The following SLC26A7 variants were observed in gnomAD, a reference collection of about 807,000 sequenced individuals.
SLC26A7 encodes anion exchange transporter.
Under a neutral mutation model 82.5 loss-of-function variants are expected in SLC26A7, and 59 were observed. The observed-to-expected ratio is 0.72, with a 90% CI of 0.58 to 0.89. The LOEUF (loss-of-function observed/expected upper bound fraction) is 0.89. Among genes scored for constraint, SLC26A7 ranks in the 40% least tolerant of loss-of-function variants. The pLI is 0.00. For synonymous variants in SLC26A7, 271 were observed against 274.3 expected, an observed-to-expected ratio of 0.99 and a Z score of 0.12; for missense variants, 820 against 793.0, an observed-to-expected ratio of 1.03 and a Z score of -0.41.
chr8:91,393,027 A>G (rs1342915542), intron 16 of SLC26A7, among the ~76,000 whole-genome samples: 2 of 152,142 alleles, frequency 1.3e-5, no homozygotes, highest in Non-Finnish European at 2.9e-5. Flanking sequence ...TATGAATGAA[A>G]TTTTGAATGT....
In SLC26A7 at chr8:91,233,241, A is replaced by G. The variant is rs1003648758; in HGVS notation, c.-34+14236A>G. Reference sequence around the variant, plus strand: ...GAGAAGAGGAAACATCAGGAGAAAAAGCAGAGAAGTAGACAGCTTTTCCCT... The same window carrying G: ...GAGAAGAGGAAACATCAGGAGAAAAGGCAGAGAAGTAGACAGCTTTTCCCT... On this transcript the variant is annotated intron_variant, in intron 2 of 5. Transcript: ENST00000522862. Among the ~76,000 whole-genome samples, 11 of 152,322 alleles carry G rather than the reference A, an allele frequency of 7.2e-5. 1 individual carries two copies. The highest frequency in any genetic ancestry group is 3.3e-4 in the Admixed American group (5 of 15,308).
At chr8:91,319,730 T>A (rs974905017) in intron 5 of SLC26A7, among the ~76,000 whole-genome samples, 1 of 152,242 alleles carries the variant, frequency 6.6e-6, no homozygotes, top group African/African-American at 2.4e-5. Flanking sequence ...AGTTTCTGTC[T>A]TGACCTCTCA....
At chr8:91,299,514 T>A (rs1812105564) in intron 4 of SLC26A7, among the ~76,000 whole-genome samples, 1 of 152,132 alleles carries the variant, frequency 6.6e-6, no homozygotes, top group African/African-American at 2.4e-5. Flanking sequence ...TTTTTCTAAG[T>A]TGCTGCCTAC....
At chr8:91,289,506 G>A (rs796375390) in intron 3 of SLC26A7, among the ~76,000 whole-genome samples, 6 of 152,288 alleles carry the variant, frequency 3.9e-5, no homozygotes, top group African/African-American at 1.2e-4. Context: ...GAGATGGGGC[G>A]TGGTAGTACA....
At chr8:91,390,249 T>C (rs1814923615) in intron 16 of SLC26A7, among the ~76,000 whole-genome samples, 1 of 152,046 alleles carries the variant, frequency 6.6e-6, no homozygotes, top group Non-Finnish European at 1.5e-5. Context: ...CCCGAGTAGC[T>C]GGGACTACAG....
chr8:91,257,625 TAAAAA>T (rs112419634), intron 2 of SLC26A7, among the ~76,000 whole-genome samples: 1 of 148,836 alleles, frequency 6.7e-6, no homozygotes, highest in African/African-American at 2.5e-5. Flanking sequence ...AATAAAAAAA[TAAAAA>T]AAAAACACAT....
chr8:91,366,979 A>G (rs1814212556), intron 14 of SLC26A7, among the ~76,000 whole-genome samples: 1 of 152,138 alleles, frequency 6.6e-6, no homozygotes, highest in African/African-American at 2.4e-5. Flanking sequence ...CAAATGATCC[A>G]ATTTAATGGA....
chr8:91,370,174 CCTT>C (rs1814315085), intron 15 of SLC26A7, among the ~76,000 whole-genome samples: 1 of 120,482 alleles, frequency 8.3e-6, no homozygotes, highest in East Asian at 1.9e-4. Context: ...CTTCTTCTTT[CCTT>C]CTTTTTTTTT....
chr8:91,347,163 A>G (rs1419058260), intron 9 of SLC26A7, among the ~76,000 whole-genome samples: 1 of 152,204 alleles, frequency 6.6e-6, no homozygotes, highest in Non-Finnish European at 1.5e-5. Flanking sequence ...AGAGCTTCCA[A>G]TAACTATAAA....
chr8:91,393,998 G>A lies in SLC26A7; in HGVS notation c.1894G>A (p.Glu632Lys). The A allele has an allele frequency of 6.2e-7, 1 of 1,613,236 alleles. No homozygotes were observed. The highest frequency in any genetic ancestry group is 8.5e-7 in the Non-Finnish European group (1 of 1,179,490). The change falls in exon 18 of 19, where the codon GAA becomes AAA. Residue 632 changes from glutamate (E) to lysine (K), a missense_variant. Glu to Lys is a moderately conservative substitution (Grantham distance 56, BLOSUM62 1). Coordinates refer to ENST00000276609, the MANE Select transcript of SLC26A7 (RefSeq NM_052832.4). ...NLDSEKPIFF[E>K]SVSAAISHIH... ...AGACTCAGAGAAACCAATTTTTTTT[G>A]AATCGGTATCTGCTGCAATAAGTCA...
rs1437101259 is a variant in SLC26A7, at chr8:91,394,674, C to A, written c.1936-388C>A. 1.4e-5 allele frequency: 15 copies of A among 1,099,386 alleles called. No homozygotes were observed. In the South Asian group the frequency reaches 5.0e-4, roughly 36 times the overall value. 68.1% of individuals were successfully genotyped at this position (1,099,386 alleles called of 1,614,324 possible). A position where few individuals can be genotyped will look rare whatever the true frequency, so the allele number is the denominator to read the frequency against. On this transcript the variant is annotated intron_variant, in intron 18 of 18. Coordinates refer to ENST00000276609, the MANE Select transcript of SLC26A7 (RefSeq NM_052832.4). ...ATACAATCAGAACAGTATGTATTTACAAAATAATAATAACACTATTATTAT... is the reference window on the plus strand; with the variant it reads ...ATACAATCAGAACAGTATGTATTTAAAAAATAATAATAACACTATTATTAT...
chr8:91,277,800 T>G (rs1028242628), intron 2 of SLC26A7, among the ~76,000 whole-genome samples: 2 of 152,174 alleles, frequency 1.3e-5, no homozygotes, highest in African/African-American at 4.8e-5. Context: ...TAAAATAAAA[T>G]ATTTTAATGT....
intron 5 of SLC26A7, among the ~76,000 whole-genome samples, chr8:91,319,120 A>G (rs1320779705): frequency 1.3e-5 from 2 of 152,192 alleles, no homozygotes; most frequent in Non-Finnish European, 2.9e-5. Context: ...GGCTCGAAGT[A>G]ACTCAATGAA....
intron 1 of SLC26A7, among the ~76,000 whole-genome samples, chr8:91,212,089 T>C (rs1239452396): frequency 6.6e-6 from 1 of 152,170 alleles, no homozygotes; most frequent in Admixed American, 6.6e-5. Flanking sequence ...AATTAGTCCT[T>C]AGCAATTACA....
chr8:91,389,375 T>C lies in SLC26A7; in HGVS notation c.1713T>C (p.Tyr571=). ...AGTCCTGCCCTAATGAGAAGTGTTA[T>C]TTAATCCTGGATTGCAGTGGATTTA... is the stretch of plus-strand genomic sequence containing the variant. ...ASQSCPNEKC[Y]LILDCSGFTF... Residue 571 remains tyrosine, a synonymous_variant, in exon 16 of 19, where the codon TAT becomes TAC. Coordinates refer to ENST00000276609, the MANE Select transcript of SLC26A7 (RefSeq NM_052832.4). 2 of 1,614,164 alleles carry C rather than the reference T, an allele frequency of 1.2e-6. No individual in the cohort carries two copies. Among genetic ancestry groups the C allele is most frequent in the Middle Eastern group, 1.6e-4 (1 of 6,062 alleles).
At chr8:91,384,220 C>A (rs1301734001) in intron 15 of SLC26A7, among the ~76,000 whole-genome samples, 1 of 152,146 alleles carries the variant, frequency 6.6e-6, no homozygotes, top group African/African-American at 2.4e-5. Context: ...TATCCTTGCC[C>A]TTTCCAACTT....
intron 15 of SLC26A7, among the ~76,000 whole-genome samples, chr8:91,380,967 T>C (rs974503285): frequency 1.3e-5 from 2 of 152,188 alleles, no homozygotes; most frequent in Non-Finnish European, 2.9e-5. Flanking sequence ...ATTTGTTATA[T>C]GTTATACTGA....
At chr8:91,244,730 A>G (rs1220787203), upstream of SLC26A7, among the ~76,000 whole-genome samples, 4 of 151,940 alleles carry the variant, frequency 2.6e-5, no homozygotes, top group African/African-American at 9.7e-5. Flanking sequence ...TATGTTTCCC[A>G]GACTGGTCTC....
chr8:91,288,770 C>A (rs954647118), intron 2 of SLC26A7, among the ~76,000 whole-genome samples: 1 of 152,150 alleles, frequency 6.6e-6, no homozygotes, highest in African/African-American at 2.4e-5. Context: ...CTTACAGATG[C>A]TATTGTGCAC....
Sources: allele counts gnomAD v4.1 joint callset (sites outside exome capture counted in the v4.1 genomes callset), GRCh38; gene constraint gnomAD v4.1.1; transcripts MANE v1.5; gene names NCBI Gene and HGNC (gene_info 2026-07-23, HGNC 2026-07-21).